The following INPP5A variants were observed in gnomAD, a reference collection of about 807,000 sequenced individuals.
INPP5A encodes the protein inositol polyphosphate-5-phosphatase A.
In INPP5A, 14 loss-of-function variants were observed where a neutral mutation model predicts 65.2. That is an observed-to-expected ratio of 0.21 (90% CI 0.14 to 0.34). The LOEUF is 0.34. Among genes scored for constraint, INPP5A ranks in the 10% least tolerant of loss-of-function variants. The probability of loss-of-function intolerance (pLI) is 1.00; values close to 1 mark genes in which losing one functional copy is unlikely to be tolerated. For missense variants in INPP5A, 431 were observed against 545.6 expected, an observed-to-expected ratio of 0.79 and a Z score of 2.09; for synonymous variants, 207 against 208.3, an observed-to-expected ratio of 0.99 and a Z score of 0.05.
chr10:132,657,981 C>G (rs1350844791), intron 4 of INPP5A, among the ~76,000 whole-genome samples: 2 of 152,248 alleles, frequency 1.3e-5, no homozygotes, highest in Admixed American at 1.3e-4. Flanking sequence ...ACCTGCAGTC[C>G]CGTGGGACGC....
At chr10:132,679,622 G>A (rs1259508610) in intron 4 of INPP5A, among the ~76,000 whole-genome samples, 1 of 152,180 alleles carries the variant, frequency 6.6e-6, no homozygotes, top group Admixed American at 6.5e-5. Flanking sequence ...GGAGGAGGGT[G>A]GAGGGCGTGA....
At chr10:132,639,136 A>T (rs1433529318) in intron 2 of INPP5A, among the ~76,000 whole-genome samples, 1 of 152,020 alleles carries the variant, frequency 6.6e-6, no homozygotes, top group Non-Finnish European at 1.5e-5. Flanking sequence ...GCCTTTCCTT[A>T]TTCTTGGAGA....
In INPP5A at chr10:132,698,000, G is replaced by A. The variant is rs922734888; in HGVS notation, c.474+81G>A. 72 of 873,466 alleles carry A rather than the reference G, an allele frequency of 8.2e-5. No homozygotes were observed. In the African/African-American group the frequency reaches 8.6e-4, roughly 10 times the overall value. 54.1% of individuals were successfully genotyped at this position (873,466 alleles called of 1,614,324 possible). A position where few individuals can be genotyped will look rare whatever the true frequency, so the allele number is the denominator to read the frequency against. ...AAGTGACATGGAACACGGAATTTTC[G>A]CATTGCACTGTTACTAGTCACAGCT... On this transcript the variant is annotated intron_variant, in intron 6 of 15. Transcript: ENST00000368594. The surrounding 1 kb of genome is among the most constrained non-coding windows in gnomAD (Gnocchi z 5.6).
intron 4 of INPP5A, among the ~76,000 whole-genome samples, chr10:132,652,294 G>T (rs1246650798): frequency 1.3e-5 from 2 of 152,244 alleles, no homozygotes; most frequent in African/African-American, 4.8e-5. Flanking sequence ...GTGAAACAGA[G>T]AGAAGGACTG....
Position 132,663,176 on chromosome 10 carries a change from A to G in INPP5A, c.306+12671A>G, listed in dbSNP as rs1393353638. Among the ~76,000 whole-genome samples, 1 of 152,200 alleles carries G rather than the reference A, an allele frequency of 6.6e-6. No individual in the cohort carries two copies. Among genetic ancestry groups the G allele is most frequent in the Non-Finnish European group, 1.5e-5 (1 of 68,048 alleles). ...GTGTGAGTAATTTTCCATTTTATAT[A>G]CACATATGCGTATGTTATATAAAAT... is the stretch of plus-strand genomic sequence containing the variant. On this transcript the variant is annotated intron_variant, in intron 4 of 15. Transcript: ENST00000368594. The surrounding 1 kb of genome is among the most constrained non-coding windows in gnomAD (Gnocchi z 4.5).
intron 4 of INPP5A, among the ~76,000 whole-genome samples, chr10:132,672,031 G>A (rs1292693328): frequency 6.6e-6 from 1 of 152,218 alleles, no homozygotes; most frequent in East Asian, 1.9e-4. Context: ...TAAAGCTTGA[G>A]GACAGGTTTC....
rs1256868744 is a variant in INPP5A at position 132,659,833 on chromosome 10, T to C, written c.306+9328T>C. Among the ~76,000 whole-genome samples the C allele has an allele frequency of 2.0e-5, 3 of 152,230 alleles. No homozygotes were observed. The highest frequency in any genetic ancestry group is 4.4e-5 in the Non-Finnish European group (3 of 68,034). On this transcript the variant is annotated intron_variant, in intron 4 of 15. Transcript: ENST00000368594. This position sits in a 1 kb window ranked among gnomAD's most constrained non-coding sequence, Gnocchi z 5.5. Reference sequence around the variant, plus strand: ...GAGCATGGAGAAGGCCAGTGCCTCATCACAGAGCCAGATGCCCACAACAGG... The same window carrying C: ...GAGCATGGAGAAGGCCAGTGCCTCACCACAGAGCCAGATGCCCACAACAGG...
intron 9 of INPP5A, among the ~76,000 whole-genome samples, chr10:132,738,109 C>T (rs1312733151): frequency 1.3e-5 from 2 of 152,190 alleles, no homozygotes; most frequent in Admixed American, 6.5e-5. Context: ...ATTCATAATC[C>T]GTAGTGTGTT....
chr10:132,546,842 G>A lies in INPP5A; in HGVS notation c.75+8671G>A, dbSNP rs994190016. On this transcript the variant is annotated intron_variant, in intron 1 of 15. Transcript: ENST00000368594. This position sits in a 1 kb window ranked among gnomAD's most constrained non-coding sequence, Gnocchi z 5.7. ...TGCCTGGGCCTGCCTGGCTGGTCTT[G>A]CCTGGCCCTGCTTTTGGTCCTGTAG... 6.6e-6 allele frequency among the ~76,000 whole-genome samples: 1 copy of A among 152,222 alleles called. No individual in the cohort carries two copies. Among genetic ancestry groups the A allele is most frequent in the Admixed American group, 6.5e-5 (1 of 15,290 alleles).
chr10:132,747,545 C>G lies in INPP5A; in HGVS notation c.733-1972C>G, dbSNP rs1379560361. Among the ~76,000 whole-genome samples the G allele has an allele frequency of 2.0e-5, 3 of 152,352 alleles. 1 individual carries two copies. The East Asian group carries it at 5.8e-4, about 30-fold the overall frequency. ...CTCTCAGTTCCTGCTGAGCGCATGCCCGGAACCTGCACAGGAAGGCCGGGC... is the reference window on the plus strand; with the variant it reads ...CTCTCAGTTCCTGCTGAGCGCATGCGCGGAACCTGCACAGGAAGGCCGGGC... On this transcript the variant is annotated intron_variant, in intron 9 of 15. Transcript: ENST00000368594.
intron 11 of INPP5A, among the ~76,000 whole-genome samples, chr10:132,763,776 T>C (rs1846779794): frequency 2.0e-5 from 3 of 148,610 alleles, no homozygotes; most frequent in South Asian, 2.1e-4. Context: ...GTTGCACACA[T>C]AAACACATGC....
chr10:132,753,761 T>G lies in INPP5A; in HGVS notation c.903+3916T>G, dbSNP rs978085734. The G allele has an allele frequency of 3.3e-5, 5 of 152,150 alleles. No homozygotes were observed. The highest frequency in any genetic ancestry group is 1.2e-4 in the African/African-American group (5 of 41,426). 9.4% of individuals were successfully genotyped at this position (152,150 alleles called of 1,614,324 possible). ...AGGTGCATTGATTTTCTGGGCCTCT[T>G]TCCTTTATCAGCGCCAGTGTCTCTG... On this transcript the variant is annotated intron_variant, in intron 11 of 15. Coordinates refer to ENST00000368594, the MANE Select transcript of INPP5A (RefSeq NM_005539.5). This position sits in a 1 kb window ranked among gnomAD's most constrained non-coding sequence, Gnocchi z 5.3.
chr10:132,565,089 A>G (rs2071256472), intron 1 of INPP5A, among the ~76,000 whole-genome samples: 1 of 152,200 alleles, frequency 6.6e-6, no homozygotes, highest in South Asian at 2.1e-4. Context: ...CTAAAGATTT[A>G]TTTTAATTCT....
Position 132,706,209 on chromosome 10 carries a change from TTTGTTTGG to T in INPP5A, c.475-2096_475-2089del, listed in dbSNP as rs1845535766. ...TAGTCAAGACGGACAAAGATTTGTGTTTGTTTGGTTGTTTGTATGTTTTTTATTTTTAT... is the reference window on the plus strand; with the variant it reads ...TAGTCAAGACGGACAAAGATTTGTGTTTGTTTGTATGTTTTTTATTTTTAT... On this transcript the variant is annotated intron_variant, in intron 6 of 15. Transcript: ENST00000368594. The surrounding 1 kb of genome is among the most constrained non-coding windows in gnomAD (Gnocchi z 4.7). Among the ~76,000 whole-genome samples, 1 of 152,132 alleles carries T rather than the reference TTTGTTTGG, an allele frequency of 6.6e-6. No individual in the cohort carries two copies. Among genetic ancestry groups the T allele is most frequent in the South Asian group, 2.1e-4 (1 of 4,826 alleles).
chr10:132,696,757 A>G (rs536663354), intron 5 of INPP5A, among the ~76,000 whole-genome samples: 74 of 152,296 alleles, frequency 4.9e-4, no homozygotes, highest in African/African-American at 1.7e-3. Flanking sequence ...ACCCACATCC[A>G]GGACTGTGCG....
intron 2 of INPP5A, among the ~76,000 whole-genome samples, chr10:132,623,844 TACTAGATACTTC>T (rs1055441220): frequency 1.4e-4 from 21 of 152,240 alleles, no homozygotes; most frequent in African/African-American, 5.1e-4. Flanking sequence ...TGAAAAATTT[TACTAGATACTTC>T]ACTGAAGAAG....
chr10:132,607,332 G>T (rs2071870472), intron 1 of INPP5A, among the ~76,000 whole-genome samples: 1 of 152,232 alleles, frequency 6.6e-6, no homozygotes, highest in Admixed American at 6.5e-5. Context: ...CACGCCTGTG[G>T]CATGTGGTAG....
intron 2 of INPP5A, among the ~76,000 whole-genome samples, chr10:132,632,944 C>T (rs1340505959): frequency 2.0e-5 from 3 of 152,192 alleles, no homozygotes; most frequent in African/African-American, 7.2e-5. Flanking sequence ...GGCATTCACA[C>T]CTCGGAAGGG....
At chr10:132,607,769 C>T (rs905065491) in intron 1 of INPP5A, 146 bp from the exon 2 acceptor site, 28 of 773,006 alleles carry the variant, frequency 3.6e-5, no homozygotes, top group Non-Finnish European at 4.8e-5. Flanking sequence ...GGGGTTTCCC[C>T]GTGCGGGTGG....
Sources: allele counts gnomAD v4.1 joint callset (sites outside exome capture counted in the v4.1 genomes callset), GRCh38; gene constraint gnomAD v4.1.1; non-coding constraint Gnocchi (gnomAD v3.1); transcripts MANE v1.5; gene names NCBI Gene and HGNC (gene_info 2026-07-23, HGNC 2026-07-21).